Variants in CIAO3 observed in about 807,000 individuals in gnomAD.
CIAO3 encodes LET1 like/JFP15.
Under a neutral mutation model 51.5 loss-of-function variants are expected in CIAO3, and 45 were observed. The observed-to-expected ratio is 0.87, with a 90% CI of 0.69 to 1.12. The LOEUF is 1.12. Among genes scored for constraint, CIAO3 ranks in the 50% most tolerant of loss-of-function variants. The pLI is 0.00. For missense variants in CIAO3, 668 were observed against 632.5 expected, an observed-to-expected ratio of 1.06 and a Z score of -0.60; for synonymous variants, 314 against 269.3, an observed-to-expected ratio of 1.17 and a Z score of -1.63.
At position 730,566 on chromosome 16, in the gene CIAO3, G is replaced by A. The variant is rs368018618; in HGVS notation, c.1282C>T (p.Arg428Trp). 4.5e-5 allele frequency: 73 copies of A among 1,610,828 alleles called. 1 individual carries two copies. Among genetic ancestry groups the A allele is most frequent in the Non-Finnish European group, 5.5e-5 (65 of 1,179,990 alleles). The change falls in exon 11 of 11, where the codon CGG (arginine) becomes TGG (tryptophan). Residue 428 changes from arginine to tryptophan, a missense_variant. Physicochemically the swap from Arg to Trp is moderately radical, Grantham distance 101. Coordinates refer to ENST00000251588, the MANE Select transcript of CIAO3 (RefSeq NM_022493.3). ...QHVERLYGMV[R>W]AEAPEDAPGV... ...GGCGCGTCCTCGGGCGCCTCAGCCC[G>A]GACCATGCCGTACAGTCTCTCCACG... is the stretch of plus-strand genomic sequence containing the variant.
chr16:739,360 G>A, intron 2 of CIAO3: 1 of 472,350 alleles, frequency 2.1e-6, no homozygotes, highest in South Asian at 2.4e-5. Context: ...ATCTTACATG[G>A]TTAGAACTAG....
At chr16:735,472 C>G (rs933964934) in intron 4 of CIAO3, 1 of 152,470 alleles carries the variant, frequency 6.6e-6, no homozygotes, top group African/African-American at 2.4e-5. Context: ...GGAGGACTCG[C>G]TGTGCCCCAC....
chr16:735,022 A>C, intron 4 of CIAO3, 151 bp from the exon 5 acceptor site: 5 of 1,073,486 alleles, frequency 4.7e-6, no homozygotes, highest in East Asian at 2.7e-5. Context: ...GGACCTCCTA[A>C]AGCCACGTTG....
At chr16:740,740 G>A in intron 1 of CIAO3, 180 bp downstream of exon 1, 1 of 572,732 alleles carries the variant, frequency 1.7e-6, no homozygotes, top group Non-Finnish European at 3.0e-6. Context: ...TTGTTGGTAA[G>A]AAGCGGGCCT....
Position 730,040 on chromosome 16 carries a change from A to G in CIAO3, c.*377T>C. The G allele has an allele frequency of 2.7e-6, 1 of 373,900 alleles. No individual in the cohort carries two copies. The highest frequency in any genetic ancestry group is 6.4e-5 in the East Asian group (1 of 15,616). 23.2% of individuals were successfully genotyped at this position (373,900 alleles called of 1,614,324 possible). On this transcript the variant is annotated 3_prime_UTR_variant, in exon 11 of 11. Coordinates refer to ENST00000251588, the MANE Select transcript of CIAO3 (RefSeq NM_022493.3). ...GGGAAGCCTCCAGAAGTCAGGGGTG[A>G]GAACCCGTCTTGCTCTGCCTCAGGC...
Position 732,311 on chromosome 16 carries a change from G to A in CIAO3, c.886C>T (p.Leu296=). ...VSLPDLEPAP[L]DSLCSGASAE... is the part of the protein sequence containing the mutation. Reference sequence around the variant, plus strand: ...GGCAGACATACGTACAGGCTGTCCAGAGGGGCTGGTTCCAGGTCGGGGAGG... The same window carrying A: ...GGCAGACATACGTACAGGCTGTCCAAAGGGGCTGGTTCCAGGTCGGGGAGG... Residue 296 remains leucine (L), a synonymous_variant, in exon 8 of 11, where the codon CTG becomes TTG. Transcript: ENST00000251588. 1.2e-6 allele frequency: 2 copies of A among 1,612,646 alleles called. No homozygotes were observed. Among genetic ancestry groups the A allele is most frequent in the Non-Finnish European group, 1.7e-6 (2 of 1,179,492 alleles).
chr16:731,823 C>T, intron 8 of CIAO3, 121 bp from the exon 9 acceptor site: 1 of 1,301,208 alleles, frequency 7.7e-7, no homozygotes, highest in South Asian at 1.6e-5. Context: ...GTCACAGACA[C>T]AGAGGAACAG....
At chr16:734,570 G>T in intron 5 of CIAO3, 167 bp downstream of exon 5, 1 of 1,292,816 alleles carries the variant, frequency 7.7e-7, no homozygotes, top group Non-Finnish European at 1.1e-6. Flanking sequence ...CGGGAGGGCA[G>T]CCTCTTCTCC....
At chr16:734,550 G>A (rs759619984) in intron 5 of CIAO3, 187 bp downstream of exon 5, 28 of 1,116,014 alleles carry the variant, frequency 2.5e-5, no homozygotes, top group South Asian at 6.3e-5. Context: ...GTGACTGCGC[G>A]TGGCTCCCAC....
At chr16:734,421 A>C in intron 5 of CIAO3, 74 bp from the exon 6 acceptor site, 1 of 1,103,970 alleles carries the variant, frequency 9.1e-7, no homozygotes. Flanking sequence ...GCAGCACGAC[A>C]TTCTGGGGGC....
chr16:736,347 A>T lies in CIAO3; in HGVS notation c.358T>A (p.Ser120Thr). The T allele has an allele frequency of 6.2e-7, 1 of 1,612,948 alleles. No homozygotes were observed. The highest frequency in any genetic ancestry group is 8.5e-7 in the Non-Finnish European group (1 of 1,179,802). Residue 120 changes from serine to threonine, a missense_variant, in exon 4 of 11, where the codon TCT becomes ACT. Physicochemically the swap from Ser to Thr is moderately conservative, Grantham distance 58 (BLOSUM62 1). Transcript: ENST00000251588. ...AACCGTGCAGCCAGCGATGCTCTAG[A>T]CTGTGGTGAGACCGAAACTACAACC... ...RLVVVSVSPQ[S>T]RASLAARFQL...
chr16:737,396 T>A lies in CIAO3; in HGVS notation c.163-67A>T. 6.2e-7 allele frequency: 1 copy of A among 1,602,442 alleles called. No homozygotes were observed. The highest frequency in any genetic ancestry group is 8.5e-7 in the Non-Finnish European group (1 of 1,173,008). ...ACGAGGACATGGAGACAGAGGATAG[T>A]GGAGTCCAGCTCATAACCGACAACC... On this transcript the variant is annotated intron_variant, in intron 2 of 10. Coordinates refer to ENST00000251588, the MANE Select transcript of CIAO3 (RefSeq NM_022493.3). This position sits in a 1 kb window ranked among gnomAD's most constrained non-coding sequence, Gnocchi z 5.3.
chr16:732,616 T>G (rs1489159906), intron 7 of CIAO3: 10 of 624,082 alleles, frequency 1.6e-5, no homozygotes, highest in East Asian at 3.2e-5. Context: ...AGTGTCCATC[T>G]GTCCATCCTC....
At chr16:738,222 G>T in intron 2 of CIAO3, 1 of 989,444 alleles carries the variant, frequency 1.0e-6, no homozygotes. Context: ...ACCTTCCAGG[G>T]GTTCCCTTCG....
chr16:737,800 G>T lies in CIAO3; in HGVS notation c.163-471C>A. The T allele has an allele frequency of 1.7e-6, 2 of 1,200,058 alleles. No homozygotes were observed. The highest frequency in any genetic ancestry group is 3.0e-5 in the South Asian group (2 of 66,704). 74.3% of individuals were successfully genotyped at this position (1,200,058 alleles called of 1,614,324 possible). On this transcript the variant is annotated intron_variant, in intron 2 of 10. Transcript: ENST00000251588. The surrounding 1 kb of genome is among the most constrained non-coding windows in gnomAD (Gnocchi z 5.3). ...CCTGGGAGCCTGGCCTCCGGTGGGC[G>T]GGGCAGAAACAACCGTCAGACTCGC...
At position 729,924 on chromosome 16, in the gene CIAO3, A is replaced by ACCC. The variant is rs1001010041; in HGVS notation, c.*490_*492dup. The stretch of plus-strand genomic sequence containing the variant: ...AACCCCTGCTTTCCAGGGGCCTGGC[A>ACCC]CCCCCCCCTGCCAGGGTCCACACGC... On this transcript the variant is annotated 3_prime_UTR_variant, in exon 11 of 11. Transcript: ENST00000251588. 3 of 329,712 alleles carry ACCC rather than the reference A, an allele frequency of 9.1e-6. No homozygotes were observed. Among genetic ancestry groups the ACCC allele is most frequent in the African/African-American group, 6.7e-5 (3 of 44,906 alleles). 20.4% of individuals were successfully genotyped at this position (329,712 alleles called of 1,614,324 possible). A position where few individuals can be genotyped will look rare whatever the true frequency, so the allele number is the denominator to read the frequency against.
At chr16:735,013 G>C in intron 4 of CIAO3, 142 bp from the exon 5 acceptor site, 1 of 1,215,170 alleles carries the variant, frequency 8.2e-7, no homozygotes, top group Non-Finnish European at 1.1e-6. Context: ...CCACCGTGGG[G>C]ACCTCCTAAA....
chr16:729,843 C>T lies in CIAO3; in HGVS notation c.*574G>A, dbSNP rs1213677817. 4.9e-6 allele frequency: 3 copies of T among 611,948 alleles called. No homozygotes were observed. The African/African-American group carries it at 5.8e-5, about 12-fold the overall frequency. 37.9% of individuals were successfully genotyped at this position (611,948 alleles called of 1,614,324 possible). On this transcript the variant is annotated 3_prime_UTR_variant, in exon 11 of 11. Transcript: ENST00000251588. ...GGACCTGGCTGGGGGATGATGCAGC[C>T]CGCGATGGCTGCTGCTTCGTACTTG... is the stretch of plus-strand genomic sequence containing the variant.
chr16:737,840 A>G lies in CIAO3; in HGVS notation c.163-511T>C. 2 of 1,185,964 alleles carry G rather than the reference A, an allele frequency of 1.7e-6. No homozygotes were observed. The highest frequency in any genetic ancestry group is 2.1e-6 in the Non-Finnish European group (2 of 939,164). The allele number at this position is 1,185,964 out of a possible 1,614,324, so 73.5% of individuals were successfully genotyped here. A position where few individuals can be genotyped will look rare whatever the true frequency, so the allele number is the denominator to read the frequency against. ...GTCAGACTCGCCAAACAGATGCAGG[A>G]ACAAGGTGTTCCAGTCGGGGGCCTC... is the stretch of plus-strand genomic sequence containing the variant. On this transcript the variant is annotated intron_variant, in intron 2 of 10. Coordinates refer to ENST00000251588, the MANE Select transcript of CIAO3 (RefSeq NM_022493.3). The surrounding 1 kb of genome is among the most constrained non-coding windows in gnomAD (Gnocchi z 5.3).
Sources: allele counts gnomAD v4.1 joint callset, GRCh38; gene constraint gnomAD v4.1.1; non-coding constraint Gnocchi (gnomAD v3.1); transcripts MANE v1.5; gene names NCBI Gene and HGNC (gene_info 2026-07-23, HGNC 2026-07-21).